OCA2: variants seen among roughly 807,000 people sequenced by gnomAD.
The protein encoded by OCA2 is OCA2 melanosomal transmembrane protein.
OCA2 carries 77 observed loss-of-function variants against 100.2 expected under a neutral mutation model. That is an observed-to-expected ratio of 0.77 (90% CI 0.64 to 0.93). OCA2 has a LOEUF of 0.93. OCA2 is among the 40% of genes least tolerant of loss of function. The pLI is 0.00. For missense variants in OCA2, 1,062 were observed against 1,089.1 expected (o/e 0.98, Z 0.35); for synonymous variants, 432 against 439.2 (o/e 0.98, Z 0.21).
chr15:27,830,061 G>A (rs1456478218), intron 23 of OCA2, among the ~76,000 whole-genome samples: 1 of 152,170 alleles, frequency 6.6e-6, no homozygotes, highest in Non-Finnish European at 1.5e-5. Flanking sequence ...GAAATGATAT[G>A]ATTCTGTAAT....
intron 1 of OCA2, among the ~76,000 whole-genome samples, chr15:28,087,789 G>A (rs781261557): frequency 1.1e-4 from 17 of 152,008 alleles, no homozygotes; most frequent in Non-Finnish European, 1.8e-4. Context: ...GGCTGGGCAC[G>A]GTGGCTCACA....
Position 27,988,626 on chromosome 15 carries a change from T to C in OCA2, c.1182+975A>G, listed in dbSNP as rs148229803. On this transcript the variant is annotated intron_variant, in intron 11 of 23. Coordinates refer to ENST00000354638, the MANE Select transcript of OCA2 (RefSeq NM_000275.3). ...CCAGAGCTGTGAGAAAATACATTTA[T>C]ATTATTTAAGCCACACGGTCTGTGG... Among the ~76,000 whole-genome samples, 776 of 152,300 alleles carry C rather than the reference T, an allele frequency of 5.1e-3. 11 individuals carry two copies. The highest frequency in any genetic ancestry group is 0.018 in the African/African-American group (748 of 41,554).
At chr15:28,037,274 G>T (rs923348642) in intron 2 of OCA2, among the ~76,000 whole-genome samples, 3 of 151,850 alleles carry the variant, frequency 2.0e-5, no homozygotes, top group Admixed American at 6.6e-5. Flanking sequence ...AGGGCAGGAA[G>T]GCAGCTGGTG....
intron 23 of OCA2, among the ~76,000 whole-genome samples, chr15:27,830,848 A>G (rs2034921067): frequency 6.6e-6 from 1 of 152,248 alleles, no homozygotes; most frequent in South Asian, 2.1e-4. Flanking sequence ...AGAAGATGTC[A>G]GATTCAAATG....
chr15:27,833,824 C>A (rs1420059285), intron 23 of OCA2, among the ~76,000 whole-genome samples: 1 of 152,162 alleles, frequency 6.6e-6, no homozygotes, highest in Non-Finnish European at 1.5e-5. Flanking sequence ...GGAGATCTCA[C>A]CCCAGCATCC....
intron 23 of OCA2, among the ~76,000 whole-genome samples, chr15:27,830,804 G>C (rs2151311697): frequency 6.6e-6 from 1 of 152,282 alleles, no homozygotes; most frequent in South Asian, 2.1e-4. Context: ...AGCCAGTGAG[G>C]AGACTGGAAG....
the OCA2 span, among the ~76,000 whole-genome samples, chr15:27,749,244 G>A: frequency 6.6e-5 from 10 of 152,100 alleles, no homozygotes; most frequent in Non-Finnish European, 1.5e-4. Flanking sequence ...TATCTGTAGG[G>A]GAAAATCAAT....
chr15:27,920,465 T>A (rs2038817740), intron 19 of OCA2, among the ~76,000 whole-genome samples: 1 of 152,066 alleles, frequency 6.6e-6, no homozygotes, highest in South Asian at 2.1e-4. Context: ...CTAAAATACA[T>A]TATCTAAAAT....
intron 7 of OCA2, among the ~76,000 whole-genome samples, chr15:28,017,070 C>T (rs1352288772): frequency 1.8e-5 from 1 of 54,398 alleles, no homozygotes; most frequent in African/African-American, 7.3e-5. Context: ...GAGCGGGGGG[C>T]GGGGGGGGAC....
intron 23 of OCA2, among the ~76,000 whole-genome samples, chr15:27,808,577 G>A (rs2033951879): frequency 6.6e-6 from 1 of 152,188 alleles, no homozygotes; most frequent in Admixed American, 6.5e-5. Flanking sequence ...CTACACTTTA[G>A]CGCTGCACTG....
intron 23 of OCA2, among the ~76,000 whole-genome samples, chr15:27,780,560 A>T (rs989805096): frequency 8.5e-5 from 13 of 152,220 alleles, no homozygotes; most frequent in Non-Finnish European, 1.9e-4. Context: ...TATTCAAATG[A>T]AATTCCAAGG....
rs1165030125 is a variant in OCA2 at position 28,098,694 on chromosome 15, C to CACAT, written c.-22+526_-22+529dup. Among the ~76,000 whole-genome samples the CACAT allele has an allele frequency of 5.9e-5, 9 of 152,328 alleles. No homozygotes were observed. In the South Asian group the frequency reaches 1.7e-3, roughly 28 times the overall value. On this transcript the variant is annotated intron_variant, in intron 1 of 23. Coordinates refer to ENST00000354638, the MANE Select transcript of OCA2 (RefSeq NM_000275.3). ...CCTGGTTCTGCAAACCCAGAGCGTC[C>CACAT]ACATACCAGGCTTCCTGTGCTTAAC...
chr15:28,032,423 G>A (rs545174635), intron 2 of OCA2, among the ~76,000 whole-genome samples: 8 of 152,256 alleles, frequency 5.3e-5, no homozygotes, highest in African/African-American at 1.9e-4. Context: ...GACACTTTTA[G>A]GCTCACTTTT....
chr15:28,045,915 A>G (rs59935895), intron 2 of OCA2, among the ~76,000 whole-genome samples: 47,010 of 151,690 alleles, frequency 0.31, 10,475 homozygotes, highest in East Asian at 0.88. Flanking sequence ...TTCATACCAA[A>G]ACCCTCAGTC....
At chr15:27,954,385 C>A (rs2040147270) in intron 17 of OCA2, among the ~76,000 whole-genome samples, 1 of 152,180 alleles carries the variant, frequency 6.6e-6, no homozygotes, top group African/African-American at 2.4e-5. Flanking sequence ...CCCTGGCCAT[C>A]CACATGGGAC....
chr15:27,998,354 A>C (rs1265387831), intron 9 of OCA2, among the ~76,000 whole-genome samples: 27 of 92,538 alleles, frequency 2.9e-4, no homozygotes, highest in Non-Finnish European at 5.4e-4. Flanking sequence ...ATTTACAAGA[A>C]AAAAACAAAC....
the OCA2 span, among the ~76,000 whole-genome samples, chr15:27,729,289 ATTTTTTTTTTT>A: frequency 9.0e-6 from 1 of 111,218 alleles, no homozygotes; most frequent in Non-Finnish European, 1.9e-5. Flanking sequence ...ATTATCATCT[ATTTTTTTTTTT>A]TTTTTTTTTT....
chr15:27,861,318 G>A (rs926268288), intron 21 of OCA2, among the ~76,000 whole-genome samples: 3 of 152,180 alleles, frequency 2.0e-5, no homozygotes, highest in Admixed American at 6.5e-5. Context: ...TTCGGGACAC[G>A]TTAAGTCTGT....
intron 18 of OCA2, chr15:27,950,559 G>A (rs753987728): frequency 5.8e-6 from 3 of 517,778 alleles, no homozygotes; most frequent in Non-Finnish European, 1.2e-5. Flanking sequence ...ACCAAGCCCA[G>A]GCCACCTGGC....
Sources: allele counts gnomAD v4.1 joint callset (sites outside exome capture counted in the v4.1 genomes callset), GRCh38; gene constraint gnomAD v4.1.1; transcripts MANE v1.5; gene names NCBI Gene and HGNC (gene_info 2026-07-23, HGNC 2026-07-21).